Variants in RNF126 observed in about 807,000 individuals in gnomAD.
RNF126 encodes E3 ubiquitin-protein ligase RNF126.
A neutral mutation model predicts 41.9 loss-of-function variants in RNF126; 20 were observed. The observed-to-expected ratio is 0.48, with a 90% CI of 0.34 to 0.69. The LOEUF is 0.69. RNF126 is among the 30% of genes least tolerant of loss of function. The pLI is 0.01. For missense variants in RNF126, 433 were observed against 460.6 expected, an observed-to-expected ratio of 0.94 and a Z score of 0.55; for synonymous variants, 239 against 202.9, an observed-to-expected ratio of 1.18 and a Z score of -1.51.
At chr19:660,352 C>T (rs867179079) in intron 1 of RNF126, among the ~76,000 whole-genome samples, 6 of 152,254 alleles carry the variant, frequency 3.9e-5, no homozygotes, top group African/African-American at 9.6e-5. Flanking sequence ...AAAGGAGGCC[C>T]GGAACGGCCC....
At chr19:650,139 C>G (rs1336040364) in intron 5 of RNF126, 95 bp downstream of exon 5, 1 of 1,068,618 alleles carries the variant, frequency 9.4e-7, no homozygotes, top group Non-Finnish European at 1.3e-6. Flanking sequence ...CCCTCCTACT[C>G]ACCAGGGACC....
At chr19:651,011 G>A (rs2144758898) in intron 4 of RNF126, among the ~76,000 whole-genome samples, 1 of 152,274 alleles carries the variant, frequency 6.6e-6, no homozygotes, top group East Asian at 1.9e-4. Context: ...ATACAGCACT[G>A]AGCCACCGTG....
In RNF126 at chr19:648,483, G is replaced by A. The variant is rs775675970; in HGVS notation, c.675C>T (p.Ser225=). The change falls in exon 8 of 9, where the codon TCC becomes TCT. Residue 225 remains serine (S), a synonymous_variant. Coordinates refer to ENST00000292363, the MANE Select transcript of RNF126 (RefSeq NM_194460.3). ...CCTTGCACACAGGGCACTCGAGCCC[G>A]GAGCCTGCGGGAGTGTGCAGCTGCG... ...TVPVTEEHVG[S]GLECPVCKDD... 24 of 1,566,792 alleles carry A rather than the reference G, an allele frequency of 1.5e-5. No homozygotes were observed. Among genetic ancestry groups the A allele is most frequent in the East Asian group, 7.2e-5 (3 of 41,848 alleles).
intron 1 of RNF126, among the ~76,000 whole-genome samples, 200 bp downstream of exon 1, chr19:662,847 A>G (rs1408674116): frequency 1.3e-5 from 2 of 151,696 alleles, no homozygotes; most frequent in African/African-American, 4.8e-5. Context: ...AGTCTCCCGC[A>G]TGTACAGGAC....
chr19:658,645 C>T (rs777413356), intron 1 of RNF126, among the ~76,000 whole-genome samples: 3 of 152,188 alleles, frequency 2.0e-5, no homozygotes, highest in African/African-American at 7.2e-5. Flanking sequence ...ACATTCACAC[C>T]GTCTGTCCCT....
At chr19:652,101 G>A (rs1405522119) in intron 3 of RNF126, 132 bp downstream of exon 3, 2 of 826,070 alleles carry the variant, frequency 2.4e-6, no homozygotes, top group Non-Finnish European at 3.6e-6. Context: ...CCCTGGCCCG[G>A]GCCCCTGGAG....
At chr19:653,644 C>T (rs897251443) in intron 1 of RNF126, among the ~76,000 whole-genome samples, 6 of 152,316 alleles carry the variant, frequency 3.9e-5, no homozygotes, top group East Asian at 1.9e-4. Context: ...CGGAGCGTGC[C>T]GAGCATTCGT....
intron 6 of RNF126, 142 bp downstream of exon 6, chr19:649,537 G>C (rs1212585711): frequency 1.5e-6 from 1 of 654,008 alleles, no homozygotes; most frequent in Non-Finnish European, 2.6e-6. Context: ...GCTGCCCCCT[G>C]TGCCCGCCAG....
chr19:662,540 C>T (rs1357892622), intron 1 of RNF126, among the ~76,000 whole-genome samples: 2 of 152,144 alleles, frequency 1.3e-5, no homozygotes, highest in Non-Finnish European at 2.9e-5. Context: ...ACGAGGCGAG[C>T]CTGCAGCGAG....
At chr19:657,993 G>GCC (rs568672814) in intron 1 of RNF126, among the ~76,000 whole-genome samples, 23 of 152,160 alleles carry the variant, frequency 1.5e-4, no homozygotes, top group South Asian at 1.2e-3. Context: ...TGAAGGAGCT[G>GCC]CCCCACCTTC....
intron 1 of RNF126, among the ~76,000 whole-genome samples, chr19:656,396 G>A (rs1360475532): frequency 3.3e-5 from 5 of 152,112 alleles, no homozygotes; most frequent in Non-Finnish European, 7.4e-5. Flanking sequence ...GCTCACACCT[G>A]TAATCCTAGC....
chr19:652,061 A>G (rs2144761499), intron 3 of RNF126, 172 bp downstream of exon 3: 1 of 722,660 alleles, frequency 1.4e-6, no homozygotes, highest in East Asian at 3.1e-5. Flanking sequence ...TCATCCAAGA[A>G]ACCAACCAAG....
chr19:652,110 A>AG, intron 3 of RNF126, 123 bp downstream of exon 3: 1 of 889,514 alleles, frequency 1.1e-6, no homozygotes, highest in Non-Finnish European at 1.6e-6. Context: ...GGGCCCCTGG[A>AG]GGGAAAAATT....
chr19:650,397 T>C, intron 4 of RNF126, 101 bp from the exon 5 acceptor site: 5 of 963,398 alleles, frequency 5.2e-6, no homozygotes, highest in East Asian at 2.7e-5. Context: ...AGGGCCAGCA[T>C]CAGCTTCTAG....
intron 1 of RNF126, chr19:661,549 G>A (rs1600645049): frequency 6.6e-6 from 1 of 152,226 alleles, no homozygotes; most frequent in African/African-American, 2.4e-5. Context: ...AAGCCCTGTG[G>A]CTTCAGTAGA....
At chr19:658,028 C>T (rs1301086140) in intron 1 of RNF126, among the ~76,000 whole-genome samples, 1 of 152,000 alleles carries the variant, frequency 6.6e-6, no homozygotes, top group African/African-American at 2.4e-5. Context: ...GCACTGGGGG[C>T]CCCCACAGAG....
intron 1 of RNF126, among the ~76,000 whole-genome samples, 183 bp from the exon 2 acceptor site, chr19:653,067 C>G (rs909123883): frequency 1.7e-4 from 26 of 152,282 alleles, no homozygotes; most frequent in Non-Finnish European, 3.4e-4. Flanking sequence ...CTCTGCCAGC[C>G]ACCCGCTGAC....
intron 1 of RNF126, among the ~76,000 whole-genome samples, chr19:662,663 C>T (rs576318359): frequency 3.3e-5 from 5 of 152,236 alleles, no homozygotes; most frequent in South Asian, 4.1e-4. Context: ...GCAATACCCT[C>T]TCTCTGCTCG....
chr19:656,987 G>GGGCTCA (rs1322007274), intron 1 of RNF126, among the ~76,000 whole-genome samples: 1 of 152,172 alleles, frequency 6.6e-6, no homozygotes, highest in Non-Finnish European at 1.5e-5. Context: ...GGGTAGCTCA[G>GGGCTCA]GGCTCAGGCT....
Sources: allele counts gnomAD v4.1 joint callset (sites outside exome capture counted in the v4.1 genomes callset), GRCh38; gene constraint gnomAD v4.1.1; transcripts MANE v1.5; gene names NCBI Gene and HGNC (gene_info 2026-07-23, HGNC 2026-07-21).